The following DDO variants were observed in gnomAD, a reference collection of about 807,000 sequenced individuals.
DDO encodes D-aspartate oxidase, DDO.
A neutral mutation model predicts 16.8 loss-of-function variants in DDO; 16 were observed. The ratio of observed to expected loss-of-function variants is 0.95; its 90% confidence interval spans 0.65 to 1.45. DDO has a LOEUF of 1.45. DDO is among the 40% of genes most tolerant of loss of function. The pLI, the probability that DDO is intolerant of heterozygous loss-of-function variation, is 0.00. For synonymous variants in DDO, 180 were observed against 167.2 expected (o/e 1.08, Z -0.59); for missense variants, 429 against 420.3 (o/e 1.02, Z -0.18).
chr6:110,406,411 T>C (rs1471886411), intron 3 of DDO, among the ~76,000 whole-genome samples: 1 of 152,104 alleles, frequency 6.6e-6, no homozygotes, highest in Non-Finnish European at 1.5e-5. Flanking sequence ...CTCTCCCTAC[T>C]CACCTCTCAT....
At chr6:110,405,661 A>T (rs886231004) in intron 3 of DDO, among the ~76,000 whole-genome samples, 8 of 152,138 alleles carry the variant, frequency 5.3e-5, no homozygotes, top group Non-Finnish European at 7.4e-5. Flanking sequence ...GCTCACACCT[A>T]TCTATGATCC....
In DDO at chr6:110,404,840, A is replaced by C. The variant is rs142942300; in HGVS notation, c.392T>G (p.Val131Gly). 6 of 1,614,042 alleles carry C rather than the reference A, an allele frequency of 3.7e-6. No individual in the cohort carries two copies. The African/African-American group carries it at 8.0e-5, about 22-fold the overall frequency. Residue 131 changes from valine to glycine, a missense_variant, in exon 4 of 5, where the codon GTG becomes GGG. Transcript: ENST00000368924. ...CAGGGTTGTAAAAGCCTGACCAAAC[A>C]CATACTGGGGGAATTTCTTCAGCTC... is the stretch of plus-strand genomic sequence containing the variant. ...EAELKKFPQYVFGQAFTTLKC... is the reference protein window; with the variant it reads ...EAELKKFPQYGFGQAFTTLKC...
At chr6:110,404,612 C>T (rs536318483) in intron 4 of DDO, among the ~76,000 whole-genome samples, 162 bp downstream of exon 4, 27 of 152,294 alleles carry the variant, frequency 1.8e-4, no homozygotes, top group Middle Eastern at 3.4e-3. Flanking sequence ...TAAACACTGT[C>T]TTCAGATTGT....
intron 3 of DDO, 111 bp from the exon 4 acceptor site, chr6:110,405,061 G>C: frequency 1.7e-5 from 18 of 1,088,328 alleles, no homozygotes; most frequent in Non-Finnish European, 2.1e-5. Flanking sequence ...TTTTGAGACA[G>C]AGTCTCACTC....
Position 110,413,381 on chromosome 6 carries a change from G to T in DDO, c.82C>A (p.Arg28=), listed in dbSNP as rs763860346. The T allele has an allele frequency of 1.1e-5, 17 of 1,614,040 alleles. No individual in the cohort carries two copies. Among genetic ancestry groups the T allele is most frequent in the Admixed American group, 3.3e-5 (2 of 60,018 alleles). The change falls in exon 2 of 5, where the codon CGA becomes AGA. Residue 28 remains arginine (R), a synonymous_variant. Transcript: ENST00000368924. The stretch of plus-strand genomic sequence containing the variant: ...TCTGAAATGATGGTAACGGAGCATC[G>T]GGGCACCAGTTTGGAGATGCACACA... ...TAVCISKLVP[R]CSVTIISDKF...
At chr6:110,410,078 G>C (rs1773799602) in intron 2 of DDO, among the ~76,000 whole-genome samples, 1 of 152,274 alleles carries the variant, frequency 6.6e-6, no homozygotes, top group African/African-American at 2.4e-5. Context: ...CTATGGGACA[G>C]GCATGGTCTC....
At position 110,392,790 on chromosome 6, in the gene DDO, G is replaced by T; in HGVS notation, c.1011C>A (p.Pro337=). 1 of 1,558,540 alleles carries T rather than the reference G, an allele frequency of 6.4e-7. No individual in the cohort carries two copies. ...ECVHALRTPI[P]KSNL ...TTTATGTCATCTACAGGTTTGACTT[G>T]GGAATGGGGGTCCTGAGGGCATGGA... Residue 337 remains proline, a synonymous_variant, in exon 5 of 5, where the codon CCC becomes CCA. Coordinates refer to ENST00000368924, the MANE Select transcript of DDO (RefSeq NM_001372108.2).
chr6:110,415,165 T>G lies in DDO; in HGVS notation c.-5+302A>C, dbSNP rs6933517. 1.4e-3 allele frequency among the ~76,000 whole-genome samples: 212 copies of G among 152,328 alleles called. 1 individual carries two copies. Among genetic ancestry groups the G allele is most frequent in the Middle Eastern group, 6.8e-3 (2 of 294 alleles). On this transcript the variant is annotated intron_variant, in intron 1 of 4. Coordinates refer to ENST00000368924, the MANE Select transcript of DDO (RefSeq NM_001372108.2). Reference sequence around the variant, plus strand: ...ACGGGCCCAGGCCAGAGCAGTCTGGTGGGGGCCAGCTTGAGTAGAGCTGTC... The same window carrying G: ...ACGGGCCCAGGCCAGAGCAGTCTGGGGGGGGCCAGCTTGAGTAGAGCTGTC...
intron 4 of DDO, among the ~76,000 whole-genome samples, chr6:110,399,209 G>GATGATCTCTTCTATCTTTTGAAA (rs1156379610): frequency 6.6e-6 from 1 of 152,216 alleles, no homozygotes; most frequent in Non-Finnish European, 1.5e-5. Context: ...TTGAGAACAA[G>GATGATCTCTTCTATCTTTTGAAA]ATGATCTCTT....
chr6:110,390,588 A>G (rs1386663371), downstream of DDO, among the ~76,000 whole-genome samples: 2 of 152,250 alleles, frequency 1.3e-5, no homozygotes, highest in Admixed American at 6.5e-5. Context: ...GAACTAGAGT[A>G]ACAAATAGGC....
chr6:110,392,175 CACTG>C lies in DDO; in HGVS notation c.*596_*599del. On this transcript the variant is annotated 3_prime_UTR_variant, in exon 5 of 5. Coordinates refer to ENST00000368924, the MANE Select transcript of DDO (RefSeq NM_001372108.2). Reference sequence around the variant, plus strand: ...TCTTCAATTAAATGTAATAATCCAGCACTGTGTGAGCACAATGTAATTTTATTTA... The same window carrying C: ...TCTTCAATTAAATGTAATAATCCAGCTGTGAGCACAATGTAATTTTATTTA... 4.1e-6 allele frequency: 4 copies of C among 985,264 alleles called. No homozygotes were observed. Among genetic ancestry groups the C allele is most frequent in the Non-Finnish European group, 4.8e-6 (4 of 829,796 alleles). 61.0% of individuals were successfully genotyped at this position (985,264 alleles called of 1,614,324 possible). A position where few individuals can be genotyped will look rare whatever the true frequency, so the allele number is the denominator to read the frequency against.
At chr6:110,411,377 AC>A (rs201923019) in intron 2 of DDO, among the ~76,000 whole-genome samples, 293 of 152,100 alleles carry the variant, frequency 1.9e-3, no homozygotes, top group Admixed American at 2.5e-3. Context: ...AAATCAAAAA[AC>A]AAAAACAAAA....
chr6:110,396,204 C>A (rs1349156189), intron 4 of DDO, among the ~76,000 whole-genome samples: 1 of 152,238 alleles, frequency 6.6e-6, no homozygotes, highest in Non-Finnish European at 1.5e-5. Context: ...CTGCATCTGA[C>A]TGAAGGTCAA....
chr6:110,406,538 C>T (rs1475978182), intron 3 of DDO, among the ~76,000 whole-genome samples: 1 of 152,214 alleles, frequency 6.6e-6, no homozygotes, highest in Admixed American at 6.5e-5. Context: ...TCCCACAAAT[C>T]TATTCTCCAC....
At chr6:110,403,808 C>A (rs574279313) in intron 4 of DDO, among the ~76,000 whole-genome samples, 1 of 152,336 alleles carries the variant, frequency 6.6e-6, no homozygotes, top group African/African-American at 2.4e-5. Flanking sequence ...CAGTCATCCA[C>A]AATAGACCAT....
chr6:110,392,954 C>T lies in DDO; in HGVS notation c.847G>A (p.Gly283Ser), dbSNP rs1012188741. 1 of 1,614,168 alleles carries T rather than the reference C, an allele frequency of 6.2e-7. No individual in the cohort carries two copies. Among genetic ancestry groups the T allele is most frequent in the South Asian group, 1.1e-5 (1 of 91,076 alleles). The change falls in exon 5 of 5, where the codon GGC becomes AGC. Residue 283 changes from glycine (G) to serine (S), a missense_variant. Physicochemically the swap from Gly to Ser is moderately conservative, Grantham distance 56. Coordinates refer to ENST00000368924, the MANE Select transcript of DDO (RefSeq NM_001372108.2). ...EKVGLRPYRP[G>S]VRLQTELLAR... is the part of the protein sequence containing the mutation. Reference sequence around the variant, plus strand: ...AGGAGCTCTGTCTGCAGTCGCACGCCTGGCCTGTAGGGCCTCAAGCCCACC... The same window carrying T: ...AGGAGCTCTGTCTGCAGTCGCACGCTTGGCCTGTAGGGCCTCAAGCCCACC...
At chr6:110,398,160 T>C (rs991143682) in intron 4 of DDO, among the ~76,000 whole-genome samples, 4 of 152,124 alleles carry the variant, frequency 2.6e-5, no homozygotes, top group African/African-American at 9.6e-5. Flanking sequence ...GCTCACGAAA[T>C]AGCCCCAGCA....
intron 4 of DDO, among the ~76,000 whole-genome samples, chr6:110,397,098 A>G (rs1430456132): frequency 1.3e-5 from 2 of 152,196 alleles, no homozygotes; most frequent in African/African-American, 2.4e-5. Flanking sequence ...TCTTATATCC[A>G]TAATATGGGG....
chr6:110,398,227 C>A (rs916274980), intron 4 of DDO, among the ~76,000 whole-genome samples: 1 of 152,136 alleles, frequency 6.6e-6, no homozygotes, highest in African/African-American at 2.4e-5. Context: ...CTTAAGTTAG[C>A]CCTCTGCTGG....
Sources: gnomAD v4.1 joint callset for allele counts (sites outside exome capture counted in the v4.1 genomes callset) on GRCh38, gnomAD v4.1.1 for gene constraint, MANE v1.5 for transcripts, NCBI Gene and HGNC (gene_info 2026-07-23, HGNC 2026-07-21) for gene names.